Variants in DCTN4 observed in about 807,000 individuals in gnomAD.
DCTN4 encodes dynactin subunit 4.
A neutral mutation model predicts 62.7 loss-of-function variants in DCTN4; 23 were observed. That is an observed-to-expected ratio of 0.37 (90% confidence interval 0.26 to 0.52). The LOEUF (loss-of-function observed/expected upper bound fraction) is 0.52. Ranked by LOEUF, DCTN4 falls within the 20% of genes least tolerant of loss-of-function variation. DCTN4 has a pLI of 0.92. For synonymous variants in DCTN4, 199 were observed against 202.1 expected, an observed-to-expected ratio of 0.98 and a Z score of 0.13; for missense variants, 514 against 580.4, an observed-to-expected ratio of 0.89 and a Z score of 1.18.
rs61106544 is a variant in DCTN4 at position 150,729,042 on chromosome 5, C to CTTTT, written c.834+1585_834+1588dup. 4.7e-3 allele frequency among the ~76,000 whole-genome samples: 247 copies of CTTTT among 52,090 alleles called. 29 individuals carry two copies. Among genetic ancestry groups the CTTTT allele is most frequent in the East Asian group, 9.9e-3 (19 of 1,918 alleles). The allele number at this position is 52,090 out of a possible 152,430, so 34.2% of individuals were successfully genotyped here. A position where few individuals can be genotyped will look rare whatever the true frequency, so the allele number is the denominator to read the frequency against. The stretch of plus-strand genomic sequence containing the variant: ...ACAAGTGTGTGAACCACCACACTGG[C>CTTTT]TTTTTTTTTTTTTTTTTTTTTTTTT... On this transcript the variant is annotated intron_variant, in intron 8 of 12. Coordinates refer to ENST00000447998, the MANE Select transcript of DCTN4 (RefSeq NM_016221.4).
intron 2 of DCTN4, 29 bp downstream of exon 2, chr5:150,756,387 GA>G (rs768695062): frequency 6.7e-7 from 1 of 1,500,346 alleles, no homozygotes; most frequent in Non-Finnish European, 9.0e-7. Flanking sequence ...AGGAAAATAG[GA>G]AGAAAAAAAA....
intron 8 of DCTN4, among the ~76,000 whole-genome samples, chr5:150,724,814 T>C (rs1237630738): frequency 6.6e-6 from 1 of 152,198 alleles, no homozygotes; most frequent in Non-Finnish European, 1.5e-5. Context: ...CCCTCCTTTT[T>C]TATACAGAAA....
chr5:150,756,507 A>G lies in DCTN4; in HGVS notation c.136-20T>C, dbSNP rs199737865. ...GTCCACCTAGGAGGAAACAAGAAAG[A>G]AAAAAAAAACCAGAGGAGAACTCAG... On this transcript the variant is annotated intron_variant, in intron 1 of 12. Coordinates refer to ENST00000447998, the MANE Select transcript of DCTN4 (RefSeq NM_016221.4). The G allele has an allele frequency of 2.9e-4, 424 of 1,442,634 alleles. No individual in the cohort carries two copies. The highest frequency in any genetic ancestry group is 5.8e-4 in the Middle Eastern group (3 of 5,142). The allele number at this position is 1,442,634 out of a possible 1,614,324, so 89.4% of individuals were successfully genotyped here. A position where few individuals can be genotyped will look rare whatever the true frequency, so the allele number is the denominator to read the frequency against.
At chr5:150,731,726 C>T (rs1760377652) in intron 5 of DCTN4, 1 of 710,574 alleles carries the variant, frequency 1.4e-6, no homozygotes, top group East Asian at 2.7e-5. Flanking sequence ...TAAAAATGAA[C>T]CAAATGTGAG....
At chr5:150,712,251 T>C (rs1313537189) in intron 12 of DCTN4, among the ~76,000 whole-genome samples, 1 of 152,040 alleles carries the variant, frequency 6.6e-6, no homozygotes, top group Non-Finnish European at 1.5e-5. Context: ...TGCCTCGGCC[T>C]CCTGAGTAGC....
intron 4 of DCTN4, among the ~76,000 whole-genome samples, chr5:150,740,287 T>C (rs12717848): frequency 0.15 from 22,877 of 151,626 alleles, 3,112 homozygotes; most frequent in African/African-American, 0.36. Context: ...TTCTCAAAGA[T>C]ACACAAATGG....
chr5:150,733,757 A>AT (rs1197725061), intron 4 of DCTN4: 75 of 269,028 alleles, frequency 2.8e-4, no homozygotes, highest in South Asian at 6.3e-4. Flanking sequence ...AACTGCTCTT[A>AT]TTTTTTTTCT....
intron 12 of DCTN4, among the ~76,000 whole-genome samples, chr5:150,712,670 T>C (rs1019703888): frequency 7.2e-5 from 11 of 152,220 alleles, no homozygotes; most frequent in African/African-American, 9.6e-5. Context: ...TTTTTGTAAA[T>C]AACTTATGTA....
intron 3 of DCTN4, among the ~76,000 whole-genome samples, chr5:150,749,552 A>G (rs1198536025): frequency 6.6e-6 from 1 of 152,144 alleles, no homozygotes; most frequent in African/African-American, 2.4e-5. Context: ...GCAGTGGTTC[A>G]TGCTTTTAAT....
chr5:150,753,808 T>C lies in DCTN4; in HGVS notation c.207-151A>G, dbSNP rs936505185. ...TTGCTTTAACAGTTCAAGAGTACTATATGTTCATTAGTTTAAAAAATATGC... is the reference window on the plus strand; with the variant it reads ...TTGCTTTAACAGTTCAAGAGTACTACATGTTCATTAGTTTAAAAAATATGC... On this transcript the variant is annotated intron_variant, in intron 2 of 12. Coordinates refer to ENST00000447998, the MANE Select transcript of DCTN4 (RefSeq NM_016221.4). 9 of 713,432 alleles carry C rather than the reference T, an allele frequency of 1.3e-5. No homozygotes were observed. In the Admixed American group the frequency reaches 1.5e-4, roughly 12 times the overall value. 44.2% of individuals were successfully genotyped at this position (713,432 alleles called of 1,614,324 possible). A position where few individuals can be genotyped will look rare whatever the true frequency, so the allele number is the denominator to read the frequency against.
intron 1 of DCTN4, among the ~76,000 whole-genome samples, chr5:150,757,669 C>A (rs968289299): frequency 2.0e-5 from 3 of 152,048 alleles, no homozygotes; most frequent in Non-Finnish European, 2.9e-5. Context: ...GAAGAAAAAT[C>A]GATGCCATAT....
intron 3 of DCTN4, among the ~76,000 whole-genome samples, chr5:150,752,239 T>C (rs1296884318): frequency 1.3e-5 from 2 of 152,298 alleles, no homozygotes; most frequent in South Asian, 2.1e-4. Context: ...ACAGAGAATG[T>C]TTCCACTCTA....
chr5:150,711,470 A>T (rs901510322), intron 12 of DCTN4, 108 bp from the exon 13 acceptor site: 1 of 843,794 alleles, frequency 1.2e-6, no homozygotes, highest in Non-Finnish European at 1.8e-6. Context: ...GCACACACAG[A>T]AAACCTATAA....
rs190365335 is a variant in DCTN4 at position 150,732,571 on chromosome 5, T to C, written c.537+797A>G. ...AGGTCCCATTTCCTCAAGCGTAAAA[T>C]GGGGATATGATACTCCACAGGATTT... On this transcript the variant is annotated intron_variant, in intron 5 of 12. Coordinates refer to ENST00000447998, the MANE Select transcript of DCTN4 (RefSeq NM_016221.4). 1.1e-4 allele frequency among the ~76,000 whole-genome samples: 16 copies of C among 152,276 alleles called. No individual in the cohort carries two copies. The East Asian group carries it at 3.1e-3, about 29-fold the overall frequency.
At chr5:150,730,274 T>C (rs1356143309) in intron 8 of DCTN4, among the ~76,000 whole-genome samples, 1 of 152,240 alleles carries the variant, frequency 6.6e-6, no homozygotes, top group Non-Finnish European at 1.5e-5. Context: ...TTTGCTGATT[T>C]TTCTTGCTTT....
intron 4 of DCTN4, among the ~76,000 whole-genome samples, chr5:150,739,030 C>T (rs1013412755): frequency 5.3e-5 from 8 of 151,984 alleles, no homozygotes; most frequent in African/African-American, 1.9e-4. Context: ...CCCATCTGCA[C>T]TAAAAATATG....
intron 7 of DCTN4, 106 bp from the exon 8 acceptor site, chr5:150,730,846 G>A: frequency 3.1e-6 from 3 of 977,434 alleles, no homozygotes; most frequent in African/African-American, 1.6e-5. Context: ...GAACAGTGTT[G>A]TTCATAAAAA....
Position 150,709,256 on chromosome 5 carries a change from T to C in DCTN4, c.*1893A>G, listed in dbSNP as rs191436876. On this transcript the variant is annotated 3_prime_UTR_variant, in exon 13 of 13. Coordinates refer to ENST00000447998, the MANE Select transcript of DCTN4 (RefSeq NM_016221.4). ...TTATGATCAAAGTGTTTTGTGTTTC[T>C]GTGTATGGGAATGATGAGACCCATA... is the stretch of plus-strand genomic sequence containing the variant. 6.5e-6 allele frequency: 1 copy of C among 152,682 alleles called. No homozygotes were observed. The highest frequency in any genetic ancestry group is 1.5e-5 in the Non-Finnish European group (1 of 68,032). The allele number at this position is 152,682 out of a possible 1,614,324, so 9.5% of individuals were successfully genotyped here. A position where few individuals can be genotyped will look rare whatever the true frequency, so the allele number is the denominator to read the frequency against.
chr5:150,756,039 CTTTTTTTTTT>C (rs777641858), intron 2 of DCTN4, among the ~76,000 whole-genome samples: 1 of 124,994 alleles, frequency 8.0e-6, no homozygotes, highest in African/African-American at 3.0e-5. Flanking sequence ...TTTCATGTGT[CTTTTTTTTTT>C]TTTTTTTTTT....
Sources: gnomAD v4.1 joint callset for allele counts (sites outside exome capture counted in the v4.1 genomes callset) on GRCh38, gnomAD v4.1.1 for gene constraint, MANE v1.5 for transcripts, NCBI Gene and HGNC (gene_info 2026-07-23, HGNC 2026-07-21) for gene names.